The following DMD variants were observed in gnomAD, a reference collection of about 807,000 sequenced individuals.
The protein encoded by DMD is mutant dystrophin.
A neutral mutation model predicts 330.1 loss-of-function variants in DMD; 63 were observed. The ratio of observed to expected loss-of-function variants is 0.19; its 90% confidence interval spans 0.16 to 0.24. DMD has a LOEUF of 0.24. Among genes scored for constraint, DMD ranks in the 10% least tolerant of loss-of-function variants. DMD has a pLI of 1.00. For missense variants in DMD, 3,344 were observed against 2,684.1 expected, an observed-to-expected ratio of 1.25 and a Z score of -5.43; for synonymous variants, 1,223 against 959.8, an observed-to-expected ratio of 1.27 and a Z score of -5.07.
chrX:32,152,051 A>C (rs1207965926), intron 44 of DMD, among the ~76,000 whole-genome samples: 3 of 111,975 alleles, frequency 2.7e-5, no homozygotes, highest in Non-Finnish European at 5.6e-5. Flanking sequence ...ATATGTAAAT[A>C]TGCAAAGATA....
intron 2 of DMD, among the ~76,000 whole-genome samples, chrX:32,886,549 G>A (rs2084594042): frequency 9.1e-6 from 1 of 109,821 alleles, no homozygotes; most frequent in Non-Finnish European, 1.9e-5. Context: ...CAGGCGTGGT[G>A]GCAGGCGCCT....
At chrX:31,284,605 C>CTTCTTCTTCTTCTTCTTCTTCTTCTTT (rs776178641) in intron 62 of DMD, among the ~76,000 whole-genome samples, 1 of 91,089 alleles carries the variant, frequency 1.1e-5, no homozygotes, top group Non-Finnish European at 2.2e-5. Context: ...TCTTCTTCTT[C>CTTCTTCTTCTTCTTCTTCTTCTTCTTT]TTTTTTTTGG....
chrX:33,249,772 TA>T (rs1411215532), intron 1 of DMD, among the ~76,000 whole-genome samples: 2 of 110,868 alleles, frequency 1.8e-5, no homozygotes, highest in African/African-American at 6.6e-5. Context: ...CTTTTCTTTT[TA>T]TATGTTTATT....
At chrX:32,653,793 T>C (rs1284252894) in intron 9 of DMD, among the ~76,000 whole-genome samples, 1 of 112,167 alleles carries the variant, frequency 8.9e-6, no homozygotes, top group African/African-American at 3.2e-5. Context: ...TCCATGAGCA[T>C]AGAATGTTCT....
intron 56 of DMD, among the ~76,000 whole-genome samples, chrX:31,498,807 T>G (rs1176092757): frequency 8.9e-6 from 1 of 112,327 alleles, no homozygotes; most frequent in Non-Finnish European, 1.9e-5. Context: ...TCTAAGGGTA[T>G]TATTTCCCAA....
intron 52 of DMD, among the ~76,000 whole-genome samples, chrX:31,727,910 C>A (rs1439102921): frequency 3.6e-5 from 4 of 112,358 alleles, no homozygotes; most frequent in African/African-American, 1.3e-4. Context: ...AGTCTTAGTA[C>A]AATGATTAAG....
chrX:31,205,986 G>A (rs775109311), intron 66 of DMD, among the ~76,000 whole-genome samples: 54 of 112,608 alleles, frequency 4.8e-4, no homozygotes, highest in Admixed American at 3.2e-3. Flanking sequence ...CTCTAGCATT[G>A]GCTTTTAATT....
At chrX:32,534,956 T>A (rs1373301613) in intron 17 of DMD, among the ~76,000 whole-genome samples, 1 of 111,442 alleles carries the variant, frequency 9.0e-6, no homozygotes, top group Non-Finnish European at 1.9e-5. Context: ...TTACTAAGAA[T>A]ACTCTCAGAA....
chrX:32,632,688 A>G (rs5928059), intron 11 of DMD, among the ~76,000 whole-genome samples: 29,952 of 98,200 alleles, frequency 0.31, 6,235 homozygotes, highest in African/African-American at 0.73. Context: ...TACTTGGGCC[A>G]CTCTGAGCCA....
chrX:32,542,832 C>T (rs771655235), intron 17 of DMD, among the ~76,000 whole-genome samples: 3 of 111,916 alleles, frequency 2.7e-5, no homozygotes, highest in South Asian at 3.8e-4. Context: ...TCGTATATAG[C>T]GTGTTCAGAT....
intron 60 of DMD, among the ~76,000 whole-genome samples, chrX:31,430,764 G>A (rs1268059228): frequency 9.4e-6 from 1 of 106,086 alleles, no homozygotes; most frequent in East Asian, 2.9e-4. Context: ...GGAATTGGGG[G>A]TCCTGACTTG....
chrX:31,314,998 T>C (rs1425405278), intron 62 of DMD, among the ~76,000 whole-genome samples: 2 of 111,023 alleles, frequency 1.8e-5, no homozygotes, highest in Admixed American at 1.9e-4. Context: ...AGTTCAGGGT[T>C]ATTAAGTTAT....
At chrX:33,104,744 G>A (rs1317718288) in intron 1 of DMD, among the ~76,000 whole-genome samples, 3 of 111,850 alleles carry the variant, frequency 2.7e-5, no homozygotes, top group African/African-American at 9.8e-5. Context: ...AAACACAGAC[G>A]CCCAAGTAAG....
chrX:31,178,882 C>T, intron 69 of DMD, 77 bp from the exon 70 acceptor site: 1 of 1,098,396 alleles, frequency 9.1e-7, no homozygotes, highest in Admixed American at 2.2e-5. Context: ...GTCTTCTGCC[C>T]CATGACACTT....
chrX:32,345,808 G>T, intron 39 of DMD, 135 bp downstream of exon 39: 1 of 608,451 alleles, frequency 1.6e-6, no homozygotes, highest in Non-Finnish European at 2.5e-6. Context: ...GTTAAATAAA[G>T]CATACACATT....
At chrX:32,811,274 G>A (rs1202791668) in intron 6 of DMD, among the ~76,000 whole-genome samples, 2 of 110,161 alleles carry the variant, frequency 1.8e-5, no homozygotes, top group Non-Finnish European at 1.9e-5. Flanking sequence ...GAGCCTGGGT[G>A]GCTATAGTGA....
intron 4 of DMD, among the ~76,000 whole-genome samples, chrX:32,830,365 G>T (rs1217240964): frequency 3.6e-5 from 4 of 110,727 alleles, no homozygotes; most frequent in Admixed American, 9.6e-5. Context: ...CTAAATAACT[G>T]AATGGTAAAA....
intron 50 of DMD, among the ~76,000 whole-genome samples, chrX:31,799,782 A>G (rs2091980691): frequency 8.9e-6 from 1 of 112,402 alleles, no homozygotes; most frequent in Non-Finnish European, 1.9e-5. Flanking sequence ...TACTTCCAGG[A>G]TACAATGGGG....
intron 7 of DMD, among the ~76,000 whole-genome samples, chrX:32,802,087 AATTACTT>A (rs1474865407): frequency 8.0e-5 from 9 of 111,973 alleles, no homozygotes; most frequent in African/African-American, 2.3e-4. Flanking sequence ...TGAATCTATA[AATTACTT>A]CGGGCAGTAT....
Sources: gnomAD v4.1 joint callset for allele counts (sites outside exome capture counted in the v4.1 genomes callset) on GRCh38, gnomAD v4.1.1 for gene constraint, MANE v1.5 for transcripts, NCBI Gene and HGNC (gene_info 2026-07-23, HGNC 2026-07-21) for gene names.